BBS2: variants seen among roughly 807,000 people sequenced by gnomAD.
The protein encoded by BBS2 is Bardet-Biedl syndrome 2, also known as BBSome complex member BBS2.
Under a neutral mutation model 83.0 loss-of-function variants are expected in BBS2, and 62 were observed. That is an observed-to-expected ratio of 0.75 (90% CI 0.61 to 0.92). The LOEUF (loss-of-function observed/expected upper bound fraction) is 0.92. Among genes scored for constraint, BBS2 ranks in the 40% least tolerant of loss-of-function variants. BBS2 has a pLI of 0.00. For missense variants in BBS2, 784 were observed against 901.0 expected, an observed-to-expected ratio of 0.87 and a Z score of 1.66; for synonymous variants, 303 against 326.1, an observed-to-expected ratio of 0.93 and a Z score of 0.76.
In BBS2 at chr16:56,500,943, G is replaced by T; in HGVS notation, c.1308C>A (p.Asn436Lys). The T allele has an allele frequency of 6.2e-7, 1 of 1,614,144 alleles. No homozygotes were observed. Among genetic ancestry groups the T allele is most frequent in the Non-Finnish European group, 8.5e-7 (1 of 1,179,992 alleles). The change falls in exon 11 of 17, where the codon AAC (asparagine) becomes AAA (lysine). Residue 436 changes from asparagine (N) to lysine (K), a missense_variant. Coordinates refer to ENST00000245157, the MANE Select transcript of BBS2 (RefSeq NM_031885.5). ...ESHVVHPSIHNLSSSICIPIV... is the reference protein window; with the variant it reads ...ESHVVHPSIHKLSSSICIPIV... ...TAGGGATGCAGATGGAACTGGAGAG[G>T]TTGTGAATGCTGGGATGTACCACGT...
chr16:56,517,543 C>G (rs1964785787), intron 1 of BBS2, among the ~76,000 whole-genome samples: 1 of 152,210 alleles, frequency 6.6e-6, no homozygotes, highest in South Asian at 2.1e-4. Context: ...CACCAAGCTC[C>G]CATCACACTG....
intron 1 of BBS2, among the ~76,000 whole-genome samples, chr16:56,515,483 T>A (rs1238834029): frequency 6.6e-6 from 1 of 152,176 alleles, no homozygotes; most frequent in East Asian, 1.9e-4. Context: ...AGAATTTCAC[T>A]GGGAAAATTT....
chr16:56,482,732 A>G (rs1421029465), downstream of BBS2, among the ~76,000 whole-genome samples: 1 of 152,170 alleles, frequency 6.6e-6, no homozygotes, highest in Non-Finnish European at 1.5e-5. Flanking sequence ...AGTTTCACTC[A>G]TTAAACCAGT....
At chr16:56,504,863 T>A (rs1346961008) in intron 7 of BBS2, among the ~76,000 whole-genome samples, 2 of 152,216 alleles carry the variant, frequency 1.3e-5, no homozygotes, top group African/African-American at 2.4e-5. Flanking sequence ...AGGTAATGAA[T>A]GGTATTGGCA....
chr16:56,476,675 A>G (rs1963492558), intron 17 of BBS2: 1 of 153,188 alleles, frequency 6.5e-6, no homozygotes, highest in Admixed American at 6.5e-5. Context: ...CCCTTCCCCT[A>G]GCAACAGCCA....
At chr16:56,486,115 A>C (rs553146208) in intron 15 of BBS2, among the ~76,000 whole-genome samples, 2 of 152,320 alleles carry the variant, frequency 1.3e-5, no homozygotes, top group African/African-American at 4.8e-5. Flanking sequence ...TATTTTATCA[A>C]AGGTTTAAAA....
chr16:56,478,169 T>C (rs1265618331), intron 17 of BBS2: 1 of 152,100 alleles, frequency 6.6e-6, no homozygotes, highest in Non-Finnish European at 1.5e-5. Context: ...ACAATTTTTT[T>C]TGCGTTTGAG....
rs568011595 is a variant in BBS2 at position 56,519,582 on chromosome 16, C to T, written c.117+164G>A. ...CTCAGAAAAGCTCTTCCTCTAAGACCCCACTGTCCTCTGCAGGATGGAGCC... is the reference window on the plus strand; with the variant it reads ...CTCAGAAAAGCTCTTCCTCTAAGACTCCACTGTCCTCTGCAGGATGGAGCC... On this transcript the variant is annotated intron_variant, in intron 1 of 16. Transcript: ENST00000245157. The T allele has an allele frequency of 4.6e-5, 28 of 611,740 alleles. 1 individual carries two copies. In the South Asian group the frequency reaches 5.2e-4, roughly 11 times the overall value. The allele number at this position is 611,740 out of a possible 1,614,324, so 37.9% of individuals were successfully genotyped here. A position where few individuals can be genotyped will look rare whatever the true frequency, so the allele number is the denominator to read the frequency against.
rs141441913 is a variant in BBS2 at position 56,519,255 on chromosome 16, C to T, written c.117+491G>A. Among the ~76,000 whole-genome samples, 615 of 147,858 alleles carry T rather than the reference C, an allele frequency of 4.2e-3. 5 individuals are homozygous for T. The highest frequency in any genetic ancestry group is 0.015 in the African/African-American group (581 of 40,000). Reference sequence around the variant, plus strand: ...CTGAGGCAGGAGAATTGCAGGAACCCGGGAGGCGGAGGCTGCAGCGACCCG... The same window carrying T: ...CTGAGGCAGGAGAATTGCAGGAACCTGGGAGGCGGAGGCTGCAGCGACCCG... On this transcript the variant is annotated intron_variant, in intron 1 of 16. Coordinates refer to ENST00000245157, the MANE Select transcript of BBS2 (RefSeq NM_031885.5).
chr16:56,487,774 C>A (rs551765881), intron 15 of BBS2, among the ~76,000 whole-genome samples: 2 of 152,252 alleles, frequency 1.3e-5, no homozygotes, highest in Admixed American at 1.3e-4. Context: ...AAAGAACAAA[C>A]AAGCACAAGT....
intron 1 of BBS2, among the ~76,000 whole-genome samples, chr16:56,518,266 A>T (rs1165690802): frequency 1.3e-5 from 2 of 152,214 alleles, no homozygotes; most frequent in African/African-American, 2.4e-5. Flanking sequence ...TATACATGGA[A>T]GTGTCCTAAA....
At chr16:56,501,065 C>T (rs1405406319) in intron 10 of BBS2, 40 bp from the exon 11 acceptor site, 3 of 1,608,070 alleles carry the variant, frequency 1.9e-6, no homozygotes, top group South Asian at 1.1e-5. Flanking sequence ...ACAACTCCAA[C>T]TTTGGGAAGC....
chr16:56,495,795 T>C (rs1964100024), intron 15 of BBS2, among the ~76,000 whole-genome samples: 1 of 151,702 alleles, frequency 6.6e-6, no homozygotes, highest in Non-Finnish European at 1.5e-5. Flanking sequence ...TGTGTGTATA[T>C]ATATGTATAT....
intron 7 of BBS2, among the ~76,000 whole-genome samples, chr16:56,504,955 A>T (rs1321974415): frequency 1.3e-5 from 2 of 152,214 alleles, no homozygotes; most frequent in Non-Finnish European, 2.9e-5. Flanking sequence ...GAAGGCCCAG[A>T]GAGATCCCTT....
chr16:56,496,862 G>C, intron 15 of BBS2, 105 bp downstream of exon 15: 1 of 890,414 alleles, frequency 1.1e-6, no homozygotes, highest in Non-Finnish European at 1.9e-6. Context: ...ATTTTCCAAA[G>C]TCACTGTAAC....
At chr16:56,488,980 T>A (rs1963864441) in intron 15 of BBS2, among the ~76,000 whole-genome samples, 1 of 152,156 alleles carries the variant, frequency 6.6e-6, no homozygotes, top group Admixed American at 6.5e-5. Flanking sequence ...GGGGTCTTGC[T>A]ATATTGCCCA....
downstream of BBS2, among the ~76,000 whole-genome samples, chr16:56,480,257 T>G (rs575791758): frequency 6.6e-6 from 1 of 150,724 alleles, no homozygotes; most frequent in South Asian, 2.1e-4. Flanking sequence ...CTGTTAGTTT[T>G]GAACTGGGCT....
Position 56,471,762 on chromosome 16 carries a change from T to G in BBS2, c.*1-1067A>C, listed in dbSNP as rs552679331. Among the ~76,000 whole-genome samples the G allele has an allele frequency of 1.1e-4, 16 of 152,364 alleles. 1 individual carries two copies. The South Asian group carries it at 2.9e-3, about 28-fold the overall frequency. ...CTGACTGAACAGTCACTTTGGCCAC[T>G]GCAGATATTTAGTAAAACCAGACCC... On this transcript the variant is annotated intron_variant, in intron 17 of 17. Transcript: ENST00000682047.
chr16:56,506,403 CAG>C (rs1964424452), intron 5 of BBS2, among the ~76,000 whole-genome samples, 179 bp from the exon 6 acceptor site: 1 of 152,190 alleles, frequency 6.6e-6, no homozygotes, highest in Non-Finnish European at 1.5e-5. Context: ...TCATCTACTT[CAG>C]AGTTGTATAA....
Sources: gnomAD v4.1 joint callset for allele counts (sites outside exome capture counted in the v4.1 genomes callset) on GRCh38, gnomAD v4.1.1 for gene constraint, MANE v1.5 for transcripts, NCBI Gene and HGNC (gene_info 2026-07-23, HGNC 2026-07-21) for gene names.